The following MBOAT1 variants were observed in gnomAD, a reference collection of about 807,000 sequenced individuals.
MBOAT1 encodes the protein membrane-bound glycerophospholipid O-acyltransferase 1.
MBOAT1 carries 67 observed loss-of-function variants against 64.4 expected under a neutral mutation model. The ratio of observed to expected loss-of-function variants is 1.04; its 90% CI spans 0.85 to 1.27. The LOEUF (loss-of-function observed/expected upper bound fraction) is 1.27. Among genes scored for constraint, MBOAT1 ranks in the 50% most tolerant of loss-of-function variants. The pLI is 0.00. For synonymous variants in MBOAT1, 229 were observed against 218.9 expected, an observed-to-expected ratio of 1.05 and a Z score of -0.41; for missense variants, 563 against 604.6, an observed-to-expected ratio of 0.93 and a Z score of 0.72.
intron 4 of MBOAT1, among the ~76,000 whole-genome samples, chr6:20,143,243 G>C (rs1319862289): frequency 6.6e-6 from 1 of 152,186 alleles, no homozygotes; most frequent in Non-Finnish European, 1.5e-5. Context: ...ACAAAAAGTT[G>C]TTCCTGAACT....
intron 4 of MBOAT1, among the ~76,000 whole-genome samples, chr6:20,137,648 T>C (rs1019302471): frequency 5.9e-5 from 9 of 152,128 alleles, no homozygotes; most frequent in Non-Finnish European, 2.9e-5. Context: ...TGATTACTCT[T>C]GGAATGAAAA....
chr6:20,123,591 G>T (rs1386427303), intron 8 of MBOAT1, among the ~76,000 whole-genome samples: 4 of 150,768 alleles, frequency 2.7e-5, no homozygotes, highest in African/African-American at 4.9e-5. Flanking sequence ...ACCAAGTGAA[G>T]TTGAACTTTC....
chr6:20,128,456 A>T (rs1760723512), intron 6 of MBOAT1, among the ~76,000 whole-genome samples: 1 of 152,046 alleles, frequency 6.6e-6, no homozygotes, highest in Admixed American at 6.6e-5. Flanking sequence ...TACTTCTGAG[A>T]CTCTATCCTA....
intron 4 of MBOAT1, among the ~76,000 whole-genome samples, chr6:20,142,545 G>C (rs1226511949): frequency 6.6e-6 from 1 of 152,138 alleles, no homozygotes; most frequent in Non-Finnish European, 1.5e-5. Context: ...CGCCTCCCAG[G>C]GTAAAGTGAT....
chr6:20,175,528 C>T (rs1042933594), intron 1 of MBOAT1, among the ~76,000 whole-genome samples: 6 of 152,248 alleles, frequency 3.9e-5, no homozygotes, highest in South Asian at 4.1e-4. Flanking sequence ...CTCACTGCAA[C>T]CTCTGCCTCC....
At chr6:20,115,194 A>C in intron 10 of MBOAT1, 94 bp downstream of exon 10, 5 of 891,952 alleles carry the variant, frequency 5.6e-6, no homozygotes, top group Non-Finnish European at 9.4e-6. Context: ...GTCAGATGAC[A>C]TTGCCACAGG....
intron 1 of MBOAT1, among the ~76,000 whole-genome samples, chr6:20,177,399 G>C: frequency 6.6e-6 from 1 of 152,008 alleles, no homozygotes; most frequent in Admixed American, 6.6e-5. Flanking sequence ...TTACTTTGTT[G>C]TCCAGGCCAG....
At chr6:20,142,641 C>G (rs2479091) in intron 4 of MBOAT1, among the ~76,000 whole-genome samples, 50,393 of 151,810 alleles carry the variant, frequency 0.33, 10,201 homozygotes, top group East Asian at 0.69. Context: ...GTAGAGATAG[C>G]GTTTCACCAT....
intron 1 of MBOAT1, among the ~76,000 whole-genome samples, chr6:20,155,811 C>T (rs1761659342): frequency 6.6e-6 from 1 of 152,194 alleles, no homozygotes; most frequent in Non-Finnish European, 1.5e-5. Context: ...CACCAAATAA[C>T]CTCTAAGTAA....
chr6:20,175,425 G>A (rs112587320), intron 1 of MBOAT1, among the ~76,000 whole-genome samples: 5,538 of 151,246 alleles, frequency 0.037, 105 homozygotes, highest in African/African-American at 0.046. Flanking sequence ...AACCCAATTT[G>A]TCCTTTAATT....
intron 1 of MBOAT1, among the ~76,000 whole-genome samples, chr6:20,190,844 G>A (rs918251143): frequency 1.5e-4 from 23 of 152,126 alleles, no homozygotes; most frequent in African/African-American, 5.1e-4. Context: ...TCACCAGACA[G>A]CCTCTGCCTG....
chr6:20,145,177 G>A (rs543421371), intron 3 of MBOAT1, among the ~76,000 whole-genome samples: 4 of 152,120 alleles, frequency 2.6e-5, no homozygotes, highest in Non-Finnish European at 5.9e-5. Flanking sequence ...GGTTATGAGA[G>A]CAGAGCCTTC....
intron 1 of MBOAT1, 111 bp from the exon 2 acceptor site, chr6:20,152,880 T>C: frequency 9.2e-6 from 11 of 1,196,762 alleles, no homozygotes; most frequent in South Asian, 6.4e-5. Flanking sequence ...TCGCCCAGGC[T>C]GGAGTGCAGT....
At chr6:20,170,343 G>A (rs1762154721) in intron 1 of MBOAT1, among the ~76,000 whole-genome samples, 2 of 152,018 alleles carry the variant, frequency 1.3e-5, no homozygotes, top group Non-Finnish European at 2.9e-5. Flanking sequence ...ATAAACCATA[G>A]ACACCTAAAT....
chr6:20,178,343 G>A (rs953862617), intron 1 of MBOAT1, among the ~76,000 whole-genome samples: 1 of 152,070 alleles, frequency 6.6e-6, no homozygotes, highest in East Asian at 1.9e-4. Flanking sequence ...TGGGCAAGGG[G>A]GTTGGAATTA....
intron 12 of MBOAT1, among the ~76,000 whole-genome samples, chr6:20,107,711 C>T (rs1185718245): frequency 6.6e-6 from 1 of 151,766 alleles, no homozygotes; most frequent in African/African-American, 2.4e-5. Flanking sequence ...AATACAGGCA[C>T]TTCTGCTATA....
chr6:20,152,919 G>A (rs1761568073), intron 1 of MBOAT1, 150 bp from the exon 2 acceptor site: 4 of 759,654 alleles, frequency 5.3e-6, no homozygotes, highest in Non-Finnish European at 7.9e-6. Flanking sequence ...TGCAAGCTCC[G>A]CCTCCCAGGT....
chr6:20,122,670 T>C (rs1760527244), intron 8 of MBOAT1, among the ~76,000 whole-genome samples: 1 of 152,132 alleles, frequency 6.6e-6, no homozygotes, highest in Admixed American at 6.5e-5. Context: ...TGGGGAGTTA[T>C]TTTTTACTGG....
chr6:20,115,668 A>G (rs558533460), intron 9 of MBOAT1, among the ~76,000 whole-genome samples: 17 of 152,310 alleles, frequency 1.1e-4, no homozygotes, highest in East Asian at 7.7e-4. Context: ...TCTGAATTTT[A>G]TAATTAAATA....
Sources: gnomAD v4.1 joint callset for allele counts (sites outside exome capture counted in the v4.1 genomes callset) on GRCh38, gnomAD v4.1.1 for gene constraint, MANE v1.5 for transcripts, NCBI Gene and HGNC (gene_info 2026-07-23, HGNC 2026-07-21) for gene names.